The following PLEKHG3 variants were observed in gnomAD, a reference collection of about 807,000 sequenced individuals.
PLEKHG3 encodes pleckstrin homology domain-containing family G member 3.
A neutral mutation model predicts 94.9 loss-of-function variants in PLEKHG3; 62 were observed. The ratio of observed to expected loss-of-function variants is 0.65; its 90% CI spans 0.53 to 0.81. PLEKHG3 has a LOEUF of 0.81. PLEKHG3 is among the 30% of genes least tolerant of loss of function. PLEKHG3 has a pLI of 0.00. For synonymous variants in PLEKHG3, 614 were observed against 654.0 expected (o/e 0.94, Z 0.93); for missense variants, 1,461 against 1,619.3 (o/e 0.90, Z 1.68).
In PLEKHG3 at chr14:64,732,969, C is replaced by T. The variant is rs1238762692; in HGVS notation, c.1345+68C>T. The T allele has an allele frequency of 4.6e-5, 46 of 998,380 alleles. No individual in the cohort carries two copies. The highest frequency in any genetic ancestry group is 6.2e-5 in the Non-Finnish European group (40 of 644,738). 61.8% of individuals were successfully genotyped at this position (998,380 alleles called of 1,614,324 possible). A position where few individuals can be genotyped will look rare whatever the true frequency, so the allele number is the denominator to read the frequency against. Reference sequence around the variant, plus strand: ...CCTTGCCCAGACTGGGGACCGTCTGCGGCAGTGTCCAGGGCTGTGGCTCTC... The same window carrying T: ...CCTTGCCCAGACTGGGGACCGTCTGTGGCAGTGTCCAGGGCTGTGGCTCTC... On this transcript the variant is annotated intron_variant, in intron 12 of 16. Coordinates refer to ENST00000247226, the MANE Select transcript of PLEKHG3 (RefSeq NM_001308147.2). The surrounding 1 kb of genome is among the most constrained non-coding windows in gnomAD (Gnocchi z 4.9).
Position 64,743,814 on chromosome 14 carries a change from C to CG in PLEKHG3, c.*113dup. The CG allele has an allele frequency of 1.6e-6, 2 of 1,223,306 alleles. No individual in the cohort carries two copies. Among genetic ancestry groups the CG allele is most frequent in the Non-Finnish European group, 2.2e-6 (2 of 906,808 alleles). 75.8% of individuals were successfully genotyped at this position (1,223,306 alleles called of 1,614,324 possible). A position where few individuals can be genotyped will look rare whatever the true frequency, so the allele number is the denominator to read the frequency against. On this transcript the variant is annotated 3_prime_UTR_variant, in exon 17 of 17. Coordinates refer to ENST00000247226, the MANE Select transcript of PLEKHG3 (RefSeq NM_001308147.2). The surrounding 1 kb of genome is among the most constrained non-coding windows in gnomAD (Gnocchi z 7.2). ...CCCCTGCCCAGGGCCCTCAGGTGGGCGGAAAGTCCATCCCCTCCGCCCTTC... is the reference window on the plus strand; with the variant it reads ...CCCCTGCCCAGGGCCCTCAGGTGGGCGGGAAAGTCCATCCCCTCCGCCCTTC...
At position 64,707,052 on chromosome 14, in the gene PLEKHG3, G is replaced by A. The variant is rs1050579664; in HGVS notation, c.-40+2348G>A. Reference sequence around the variant, plus strand: ...TGTGCCCCCTCCCCCATCTCAGGCCGCCCCTCTGGCCCAGGCCACTGCTCT... The same window carrying A: ...TGTGCCCCCTCCCCCATCTCAGGCCACCCCTCTGGCCCAGGCCACTGCTCT... On this transcript the variant is annotated intron_variant, in intron 1 of 16. Coordinates refer to ENST00000247226, the MANE Select transcript of PLEKHG3 (RefSeq NM_001308147.2). 5.3e-5 allele frequency among the ~76,000 whole-genome samples: 8 copies of A among 152,290 alleles called. No homozygotes were observed. The South Asian group carries it at 6.2e-4, about 12-fold the overall frequency.
intron 1 of PLEKHG3, among the ~76,000 whole-genome samples, chr14:64,714,524 G>A (rs531550325): frequency 6.6e-6 from 1 of 152,228 alleles, no homozygotes; most frequent in Admixed American, 6.5e-5. Flanking sequence ...TTTTGTGGCC[G>A]TCTTGCTTAC....
rs1179915875 is a variant in PLEKHG3 at position 64,716,481 on chromosome 14, AAC to A, written c.-39-11098_-39-11097del. Among the ~76,000 whole-genome samples, 38 of 116,398 alleles carry A rather than the reference AAC, an allele frequency of 3.3e-4. No homozygotes were observed. In the South Asian group the frequency reaches 5.0e-3, roughly 15 times the overall value. 76.4% of individuals were successfully genotyped at this position (116,398 alleles called of 152,430 possible). ...ACACACACACAACACACACACACAC[AAC>A]ACACACACACACAACACACACACAC... On this transcript the variant is annotated intron_variant, in intron 1 of 16. Coordinates refer to ENST00000247226, the MANE Select transcript of PLEKHG3 (RefSeq NM_001308147.2). The surrounding 1 kb of genome is among the most constrained non-coding windows in gnomAD (Gnocchi z 5.0).
rs1172897189 is a variant in PLEKHG3, at chr14:64,722,039, T to C, written c.-39-5554T>C. Among the ~76,000 whole-genome samples the C allele has an allele frequency of 6.6e-6, 1 of 152,220 alleles. No individual in the cohort carries two copies. The highest frequency in any genetic ancestry group is 1.5e-5 in the Non-Finnish European group (1 of 68,038). ...CTATTGCTTCCTTCTGGCACCCTTTTTGAAGGGATTCCGAAAGTGCCGTCT... is the reference window on the plus strand; with the variant it reads ...CTATTGCTTCCTTCTGGCACCCTTTCTGAAGGGATTCCGAAAGTGCCGTCT... On this transcript the variant is annotated intron_variant, in intron 1 of 16. Coordinates refer to ENST00000247226, the MANE Select transcript of PLEKHG3 (RefSeq NM_001308147.2). The surrounding 1 kb of genome is among the most constrained non-coding windows in gnomAD (Gnocchi z 4.3).
chr14:64,722,808 G>C lies in PLEKHG3; in HGVS notation c.-39-4785G>C, dbSNP rs1798440797. ...GCCTTGTCCTCAACTCACTGGCCTG[G>C]GAGGGAGAGCCAGTGGGAGTGGGCT... is the stretch of plus-strand genomic sequence containing the variant. On this transcript the variant is annotated intron_variant, in intron 1 of 16. Coordinates refer to ENST00000247226, the MANE Select transcript of PLEKHG3 (RefSeq NM_001308147.2). This position sits in a 1 kb window ranked among gnomAD's most constrained non-coding sequence, Gnocchi z 4.3. Among the ~76,000 whole-genome samples, 1 of 152,168 alleles carries C rather than the reference G, an allele frequency of 6.6e-6. No individual in the cohort carries two copies. The highest frequency in any genetic ancestry group is 1.5e-5 in the Non-Finnish European group (1 of 68,016).
Position 64,721,658 on chromosome 14 carries a change from G to A in PLEKHG3, c.-39-5935G>A, listed in dbSNP as rs2081264171. ...TCACATGCACACAAAGTCACTCCCC[G>A]GGGAGCCTTCTCTCGCGCTTTATTA... On this transcript the variant is annotated intron_variant, in intron 1 of 16. Transcript: ENST00000247226. This position sits in a 1 kb window ranked among gnomAD's most constrained non-coding sequence, Gnocchi z 4.3. 1.3e-5 allele frequency among the ~76,000 whole-genome samples: 2 copies of A among 152,170 alleles called. No individual in the cohort carries two copies. The highest frequency in any genetic ancestry group is 2.1e-4 in the South Asian group (1 of 4,828).
rs1272171794 is a variant in PLEKHG3 at position 64,720,542 on chromosome 14, G to A, written c.-39-7051G>A. ...GTGCCTTGCTCTCTGGGGCTGAAGG[G>A]AAGGTATGGGAAAGAAGGCCCAGCC... is the stretch of plus-strand genomic sequence containing the variant. On this transcript the variant is annotated intron_variant, in intron 1 of 16. Coordinates refer to ENST00000247226, the MANE Select transcript of PLEKHG3 (RefSeq NM_001308147.2). This position sits in a 1 kb window ranked among gnomAD's most constrained non-coding sequence, Gnocchi z 4.1. 2.0e-5 allele frequency among the ~76,000 whole-genome samples: 3 copies of A among 152,198 alleles called. No individual in the cohort carries two copies. The highest frequency in any genetic ancestry group is 2.9e-5 in the Non-Finnish European group (2 of 68,038).
In PLEKHG3 at chr14:64,730,995, G is replaced by A. The variant is rs370995830; in HGVS notation, c.718-43G>A. 1.6e-4 allele frequency: 251 copies of A among 1,613,704 alleles called. No individual in the cohort carries two copies. Among genetic ancestry groups the A allele is most frequent in the Non-Finnish European group, 1.9e-4 (228 of 1,180,032 alleles). ...AGCACCTAGGGCCTGGGGAGGGCAG[G>A]GCCTTCGGGTCAGGGGCACCTAAGC... On this transcript the variant is annotated intron_variant, in intron 6 of 16. Coordinates refer to ENST00000247226, the MANE Select transcript of PLEKHG3 (RefSeq NM_001308147.2). The surrounding 1 kb of genome is among the most constrained non-coding windows in gnomAD (Gnocchi z 5.4).
rs545255113 is a variant in PLEKHG3, at chr14:64,720,178, C to T, written c.-39-7415C>T. 1.6e-4 allele frequency among the ~76,000 whole-genome samples: 24 copies of T among 152,348 alleles called. 1 individual carries two copies. The South Asian group carries it at 5.0e-3, about 32-fold the overall frequency. On this transcript the variant is annotated intron_variant, in intron 1 of 16. Coordinates refer to ENST00000247226, the MANE Select transcript of PLEKHG3 (RefSeq NM_001308147.2). The surrounding 1 kb of genome is among the most constrained non-coding windows in gnomAD (Gnocchi z 4.1). ...TGCAGGGAGACCAGATCATCACAGC[C>T]CCTTTTCTAAACTTGGCTACTTTCC...
intron 3 of PLEKHG3, among the ~76,000 whole-genome samples, chr14:64,729,659 AG>A (rs1398161611): frequency 2.0e-5 from 3 of 152,170 alleles, no homozygotes; most frequent in Non-Finnish European, 4.4e-5. Flanking sequence ...CAGCGGTGCT[AG>A]GACAGGAAGA....
rs535953420 is a variant in PLEKHG3, at chr14:64,721,441, A to G, written c.-39-6152A>G. ...TGTGGGAGGGCTCCCCTGGCAACACAATCCTTTTCCTTCCTGGCAGCTGTG... is the reference window on the plus strand; with the variant it reads ...TGTGGGAGGGCTCCCCTGGCAACACGATCCTTTTCCTTCCTGGCAGCTGTG... On this transcript the variant is annotated intron_variant, in intron 1 of 16. Transcript: ENST00000247226. The surrounding 1 kb of genome is among the most constrained non-coding windows in gnomAD (Gnocchi z 4.3). 6.6e-5 allele frequency among the ~76,000 whole-genome samples: 10 copies of G among 152,292 alleles called. No homozygotes were observed. In the South Asian group the frequency reaches 1.9e-3, roughly 28 times the overall value.
chr14:64,743,855 G>A lies in PLEKHG3; in HGVS notation c.*152G>A, dbSNP rs1159757959. 8 of 763,466 alleles carry A rather than the reference G, an allele frequency of 1.0e-5. No homozygotes were observed. The highest frequency in any genetic ancestry group is 5.3e-5 in the African/African-American group (3 of 56,456). The allele number at this position is 763,466 out of a possible 1,614,324, so 47.3% of individuals were successfully genotyped here. On this transcript the variant is annotated 3_prime_UTR_variant, in exon 17 of 17. Coordinates refer to ENST00000247226, the MANE Select transcript of PLEKHG3 (RefSeq NM_001308147.2). This position sits in a 1 kb window ranked among gnomAD's most constrained non-coding sequence, Gnocchi z 7.2. ...TCCGCCCTTCAGGAAGGATGCTCCC[G>A]TGTGCAGGGGTCTCCTGCCTGTGCC...
chr14:64,747,142 G>A lies in PLEKHG3; in HGVS notation c.*3439G>A, dbSNP rs1411280073. ...TCCACTAGAGCCCTTCCTTTCTCGG[G>A]TCTGTGGAGTTGCTTGCTGGAAATG... On this transcript the variant is annotated 3_prime_UTR_variant, in exon 17 of 17. Coordinates refer to ENST00000247226, the MANE Select transcript of PLEKHG3 (RefSeq NM_001308147.2). 1.3e-5 allele frequency: 2 copies of A among 152,562 alleles called. No homozygotes were observed. The highest frequency in any genetic ancestry group is 2.9e-5 in the Non-Finnish European group (2 of 68,086). 9.5% of individuals were successfully genotyped at this position (152,562 alleles called of 1,614,324 possible).
In PLEKHG3 at chr14:64,720,627, A is replaced by G. The variant is rs778304858; in HGVS notation, c.-39-6966A>G. ...ATGTACATATCAAGCCCCAAGACCA[A>G]TGCTTTAAGTGATAGGGTGTTTCGA... On this transcript the variant is annotated intron_variant, in intron 1 of 16. Coordinates refer to ENST00000247226, the MANE Select transcript of PLEKHG3 (RefSeq NM_001308147.2). This position sits in a 1 kb window ranked among gnomAD's most constrained non-coding sequence, Gnocchi z 4.1. Among the ~76,000 whole-genome samples, 2 of 152,210 alleles carry G rather than the reference A, an allele frequency of 1.3e-5. No homozygotes were observed. Among genetic ancestry groups the G allele is most frequent in the Non-Finnish European group, 2.9e-5 (2 of 68,040 alleles).
chr14:64,730,543 G>T lies in PLEKHG3; in HGVS notation c.520-99G>T. ...GCTCTGTAGGCATTTGGGAACAGGG[G>T]ACAGAGGGTGCTCTGGGGGCCAGGG... On this transcript the variant is annotated intron_variant, in intron 4 of 16. Coordinates refer to ENST00000247226, the MANE Select transcript of PLEKHG3 (RefSeq NM_001308147.2). This position sits in a 1 kb window ranked among gnomAD's most constrained non-coding sequence, Gnocchi z 5.4. The T allele has an allele frequency of 1.0e-6, 1 of 984,720 alleles. No homozygotes were observed. Among genetic ancestry groups the T allele is most frequent in the Non-Finnish European group, 1.6e-6 (1 of 623,830 alleles). The allele number at this position is 984,720 out of a possible 1,614,324, so 61.0% of individuals were successfully genotyped here.
chr14:64,743,271 C>T lies in PLEKHG3; in HGVS notation c.3228C>T (p.Val1076=), dbSNP rs1276884403. The T allele has an allele frequency of 2.5e-6, 4 of 1,606,910 alleles. No individual in the cohort carries two copies. Among genetic ancestry groups the T allele is most frequent in the African/African-American group, 1.3e-5 (1 of 74,898 alleles). Residue 1076 remains valine (V), a synonymous_variant, in exon 17 of 17, where the codon GTC becomes GTT. Coordinates refer to ENST00000247226, the MANE Select transcript of PLEKHG3 (RefSeq NM_001308147.2). The surrounding 1 kb of genome is among the most constrained non-coding windows in gnomAD (Gnocchi z 7.2). The stretch of plus-strand genomic sequence containing the variant: ...GCGGCCGGCCCCGCGGCCCACCCGT[C>T]AACAGGAGCCACTCGGTGCCGGAGA... ...AGGGRPRGPP[V]NRSHSVPENM...
At position 64,704,990 on chromosome 14, in the gene PLEKHG3, A is replaced by G. The variant is rs1017233665; in HGVS notation, c.-40+286A>G. 1.3e-5 allele frequency among the ~76,000 whole-genome samples: 2 copies of G among 152,116 alleles called. No homozygotes were observed. Among genetic ancestry groups the G allele is most frequent in the African/African-American group, 4.8e-5 (2 of 41,420 alleles). ...AGGGGCAAATGCGCCGGGCGGCTCC[A>G]GAGAGGCTCAGTTTGAAATCCAGGA... On this transcript the variant is annotated intron_variant, in intron 1 of 16. Coordinates refer to ENST00000247226, the MANE Select transcript of PLEKHG3 (RefSeq NM_001308147.2). The surrounding 1 kb of genome is among the most constrained non-coding windows in gnomAD (Gnocchi z 5.6).
chr14:64,707,279 G>GCCCCACAACTCACCTCTGGC (rs1280990397), intron 1 of PLEKHG3, among the ~76,000 whole-genome samples: 6 of 152,300 alleles, frequency 3.9e-5, no homozygotes, highest in African/African-American at 1.4e-4. Flanking sequence ...GCTCATCTGG[G>GCCCCACAACTCACCTCTGGC]CCCCACAACT....
Sources: allele counts gnomAD v4.1 joint callset (sites outside exome capture counted in the v4.1 genomes callset), GRCh38; gene constraint gnomAD v4.1.1; non-coding constraint Gnocchi (gnomAD v3.1); transcripts MANE v1.5; gene names NCBI Gene and HGNC (gene_info 2026-07-23, HGNC 2026-07-21).